AMD1: variants seen among roughly 807,000 people sequenced by gnomAD.
AMD1 encodes S-adenosylmethionine decarboxylase proenzyme.
Under a neutral mutation model 40.2 loss-of-function variants are expected in AMD1, and 11 were observed. That is an observed-to-expected ratio of 0.27 (90% CI 0.17 to 0.45). The LOEUF (loss-of-function observed/expected upper bound fraction) is 0.45. Ranked by LOEUF, AMD1 falls within the 20% of genes least tolerant of loss-of-function variation. The probability of loss-of-function intolerance (pLI) is 1.00; values close to 1 mark genes in which losing one functional copy is unlikely to be tolerated. For missense variants in AMD1, 257 were observed against 410.2 expected (o/e 0.63, Z 3.23); for synonymous variants, 121 against 130.8 (o/e 0.93, Z 0.51).
At chr6:110,850,561 AAT>A in the AMD1 span, among the ~76,000 whole-genome samples, 692 of 152,280 alleles carry the variant, frequency 4.5e-3, 4 homozygotes, top group African/African-American at 0.016. Context: ...AGAAAATTAA[AAT>A]ATGTGTTCCA....
the AMD1 span, chr6:110,864,224 G>A: frequency 6.5e-6 from 1 of 153,706 alleles, no homozygotes. Flanking sequence ...GATTACAGAT[G>A]TGAGCCACCA....
intron 3 of AMD1, 157 bp downstream of exon 3, chr6:110,889,140 C>T: frequency 1.4e-6 from 1 of 699,394 alleles, no homozygotes; most frequent in East Asian, 3.5e-5. Flanking sequence ...ATCTGATTCT[C>T]AAGAACAGCA....
chr6:110,816,203 G>C, the AMD1 span, among the ~76,000 whole-genome samples: 1 of 152,104 alleles, frequency 6.6e-6, no homozygotes, highest in Admixed American at 6.5e-5. Flanking sequence ...TAGCATATGC[G>C]GTTCCCATAA....
At chr6:110,832,353 G>C in the AMD1 span, among the ~76,000 whole-genome samples, 1 of 151,596 alleles carries the variant, frequency 6.6e-6, no homozygotes, top group East Asian at 1.9e-4. Flanking sequence ...GTCTCACTAT[G>C]TTTCCAAAGC....
At chr6:110,891,920 T>C in intron 4 of AMD1, 2 of 525,092 alleles carry the variant, frequency 3.8e-6, no homozygotes, top group Middle Eastern at 5.4e-4. Flanking sequence ...TTTTTGTATT[T>C]TTAGTAGCGA....
the AMD1 span, among the ~76,000 whole-genome samples, chr6:110,836,666 TTTTG>T: frequency 6.6e-6 from 1 of 152,180 alleles, no homozygotes; most frequent in Admixed American, 6.5e-5. Flanking sequence ...TTTATTTGTT[TTTTG>T]TTTTTGTTTT....
the AMD1 span, chr6:110,814,806 G>A: frequency 2.6e-4 from 182 of 705,306 alleles, no homozygotes; most frequent in South Asian, 2.0e-3. Flanking sequence ...CTGCGCCGCG[G>A]GAGTTCGAGG....
At position 110,894,573 on chromosome 6, in the gene AMD1, T is replaced by C. The variant is rs1432074333; in HGVS notation, c.*957T>C. On this transcript the variant is annotated 3_prime_UTR_variant, in exon 9 of 9. Coordinates refer to ENST00000368885, the MANE Select transcript of AMD1 (RefSeq NM_001634.6). ...CGTCTAATGAGTAGCACCCCTTTAC[T>C]AACTTAGTAGTAGTATAAAATCATT... 2 of 152,260 alleles carry C rather than the reference T, an allele frequency of 1.3e-5. No individual in the cohort carries two copies. Among genetic ancestry groups the C allele is most frequent in the Non-Finnish European group, 2.9e-5 (2 of 68,050 alleles). 9.4% of individuals were successfully genotyped at this position (152,260 alleles called of 1,614,324 possible).
the AMD1 span, among the ~76,000 whole-genome samples, chr6:110,857,359 C>A: frequency 2.0e-5 from 3 of 151,682 alleles, no homozygotes; most frequent in Non-Finnish European, 4.4e-5. Flanking sequence ...ATGAATAAAG[C>A]CCGTCTCTAC....
At chr6:110,833,749 C>T in the AMD1 span, among the ~76,000 whole-genome samples, 5 of 152,204 alleles carry the variant, frequency 3.3e-5, no homozygotes, top group African/African-American at 9.6e-5. Context: ...CACAGAGGCT[C>T]ACGCCTATAA....
At chr6:110,835,496 A>C in the AMD1 span, among the ~76,000 whole-genome samples, 6 of 152,212 alleles carry the variant, frequency 3.9e-5, no homozygotes, top group African/African-American at 1.4e-4. Context: ...AGCATCAGAC[A>C]TCAGACATTT....
the AMD1 span, among the ~76,000 whole-genome samples, chr6:110,817,497 T>C: frequency 6.6e-6 from 1 of 152,122 alleles, no homozygotes; most frequent in Admixed American, 6.6e-5. Flanking sequence ...TAGTCCCATT[T>C]ACTCGGGAGG....
the AMD1 span, among the ~76,000 whole-genome samples, chr6:110,847,984 G>A: frequency 1.3e-5 from 2 of 151,640 alleles, no homozygotes; most frequent in Non-Finnish European, 2.9e-5. Context: ...AAAGTGCTGG[G>A]ATTACAGGCA....
chr6:110,840,328 G>T, the AMD1 span, among the ~76,000 whole-genome samples: 1 of 151,934 alleles, frequency 6.6e-6, no homozygotes, highest in African/African-American at 2.4e-5. Context: ...AGGGGTTGGG[G>T]GCTCAGTCCC....
chr6:110,827,511 T>C, the AMD1 span, among the ~76,000 whole-genome samples: 1 of 152,112 alleles, frequency 6.6e-6, no homozygotes, highest in Non-Finnish European at 1.5e-5. Flanking sequence ...ACGCCTGTAA[T>C]GCCAGCACTT....
intron 1 of AMD1, among the ~76,000 whole-genome samples, chr6:110,875,946 C>A (rs944803241): frequency 6.6e-6 from 1 of 152,158 alleles, no homozygotes; most frequent in Non-Finnish European, 1.5e-5. Context: ...CCGCTGAGGC[C>A]GCTGGGGGCT....
intron 1 of AMD1, among the ~76,000 whole-genome samples, chr6:110,882,197 T>C (rs939741307): frequency 8.5e-5 from 13 of 152,198 alleles, no homozygotes; most frequent in Admixed American, 2.0e-4. Context: ...AGTGGCACGA[T>C]CTTGGCTCAC....
chr6:110,822,900 G>A, the AMD1 span, among the ~76,000 whole-genome samples: 1 of 152,030 alleles, frequency 6.6e-6, no homozygotes, highest in Non-Finnish European at 1.5e-5. Context: ...AGATCACCTG[G>A]AGGTCGGGAG....
the AMD1 span, among the ~76,000 whole-genome samples, chr6:110,867,608 G>A: frequency 6.6e-6 from 1 of 152,196 alleles, no homozygotes; most frequent in African/African-American, 2.4e-5. Context: ...AGGTTGCAGT[G>A]AGCCAAGATC....
Sources: gnomAD v4.1 joint callset for allele counts (sites outside exome capture counted in the v4.1 genomes callset) on GRCh38, gnomAD v4.1.1 for gene constraint, MANE v1.5 for transcripts, NCBI Gene and HGNC (gene_info 2026-07-23, HGNC 2026-07-21) for gene names.